Variants in CACNA2D3 observed in about 807,000 individuals in gnomAD.
CACNA2D3 encodes the protein calcium voltage-gated channel auxiliary subunit alpha2delta 3.
A neutral mutation model predicts 160.6 loss-of-function variants in CACNA2D3; 60 were observed. That is an observed-to-expected ratio of 0.37 (90% CI 0.30 to 0.46). The LOEUF is 0.46. Among genes scored for constraint, CACNA2D3 ranks in the 20% least tolerant of loss-of-function variants. The probability of loss-of-function intolerance (pLI) is 1.00; values close to 1 mark genes in which losing one functional copy is unlikely to be tolerated. For synonymous variants in CACNA2D3, 558 were observed against 492.9 expected (o/e 1.13, Z -1.75); for missense variants, 1,205 against 1,365.0 (o/e 0.88, Z 1.85).
At chr3:54,348,546 C>T (rs1162220496) in intron 3 of CACNA2D3, among the ~76,000 whole-genome samples, 1 of 152,114 alleles carries the variant, frequency 6.6e-6, no homozygotes, top group African/African-American at 2.4e-5. Context: ...AATGGAAATT[C>T]GAAGCACACT....
In CACNA2D3 at chr3:54,569,950, C is replaced by G. The variant is rs1702468071; in HGVS notation, c.738-4C>G. ...ATTTTGACTTAATTTTTCCCTTGAC[C>G]TAGGTACATCCAGGCAGCAACTTCT... On this transcript the variant is annotated splice_region_variant and splice_polypyrimidine_tract_variant and intron_variant, in intron 7 of 37. Coordinates refer to ENST00000474759, the MANE Select transcript of CACNA2D3 (RefSeq NM_018398.3). The G allele has an allele frequency of 1.2e-6, 2 of 1,613,884 alleles. No homozygotes were observed. Among genetic ancestry groups the G allele is most frequent in the East Asian group, 2.2e-5 (1 of 44,878 alleles).
At chr3:54,479,792 A>G (rs184991717) in intron 4 of CACNA2D3, among the ~76,000 whole-genome samples, 6 of 152,362 alleles carry the variant, frequency 3.9e-5, no homozygotes, top group East Asian at 3.9e-4. Context: ...GCAAATGATT[A>G]AATGATGTAT....
intron 15 of CACNA2D3, among the ~76,000 whole-genome samples, chr3:54,837,517 T>C (rs982388833): frequency 3.3e-5 from 5 of 152,106 alleles, no homozygotes; most frequent in African/African-American, 1.2e-4. Flanking sequence ...ACCACTCTCA[T>C]TTATAGTTAC....
intron 5 of CACNA2D3, among the ~76,000 whole-genome samples, chr3:54,522,716 C>A (rs1447970445): frequency 1.3e-5 from 2 of 152,082 alleles, no homozygotes; most frequent in Non-Finnish European, 2.9e-5. Flanking sequence ...GGGAGAAAGC[C>A]AAGCTTATTT....
At chr3:54,251,454 G>A (rs1702188240) in intron 2 of CACNA2D3, among the ~76,000 whole-genome samples, 1 of 152,138 alleles carries the variant, frequency 6.6e-6, no homozygotes, top group Non-Finnish European at 1.5e-5. Context: ...ATTTTGTTTT[G>A]AAGAAGATGA....
intron 4 of CACNA2D3, among the ~76,000 whole-genome samples, chr3:54,421,631 G>T (rs931647416): frequency 6.6e-6 from 1 of 152,062 alleles, no homozygotes; most frequent in African/African-American, 2.4e-5. Flanking sequence ...GTGGGGCAGC[G>T]GTTGTTGTCA....
intron 11 of CACNA2D3, among the ~76,000 whole-genome samples, chr3:54,655,577 T>C (rs920711720): frequency 2.0e-5 from 3 of 152,238 alleles, no homozygotes; most frequent in African/African-American, 4.8e-5. Flanking sequence ...GATTAAAGTA[T>C]TCTACTGCAT....
At chr3:54,734,069 T>C (rs765168748) in intron 11 of CACNA2D3, among the ~76,000 whole-genome samples, 1 of 151,642 alleles carries the variant, frequency 6.6e-6, no homozygotes, top group Non-Finnish European at 1.5e-5. Flanking sequence ...CTAAGGAAGA[T>C]ATCTCATTCA....
At chr3:54,992,234 A>G (rs1702758439) in intron 31 of CACNA2D3, among the ~76,000 whole-genome samples, 1 of 152,214 alleles carries the variant, frequency 6.6e-6, no homozygotes, top group Non-Finnish European at 1.5e-5. Context: ...AAAGCATGGT[A>G]GCAGTCTAGC....
At chr3:54,727,114 C>A (rs17502350) in intron 11 of CACNA2D3, among the ~76,000 whole-genome samples, 3 of 152,196 alleles carry the variant, frequency 2.0e-5, no homozygotes, top group Non-Finnish European at 2.9e-5. Flanking sequence ...ACAGACACTT[C>A]TCAAAAGAAG....
chr3:54,669,620 T>C (rs1362249123), intron 11 of CACNA2D3, among the ~76,000 whole-genome samples: 1 of 152,110 alleles, frequency 6.6e-6, no homozygotes, highest in Non-Finnish European at 1.5e-5. Context: ...TGTTTAGAGA[T>C]CAAAAATGTT....
At chr3:54,343,417 A>C (rs554571383) in intron 3 of CACNA2D3, among the ~76,000 whole-genome samples, 3 of 152,190 alleles carry the variant, frequency 2.0e-5, no homozygotes, top group Admixed American at 2.0e-4. Context: ...ACAGCCTCCC[A>C]AGTAGTTGGG....
At chr3:54,465,604 T>C (rs1054105641) in intron 4 of CACNA2D3, among the ~76,000 whole-genome samples, 3 of 152,204 alleles carry the variant, frequency 2.0e-5, no homozygotes, top group South Asian at 2.1e-4. Flanking sequence ...TGCTCACTTA[T>C]GACCACATCC....
chr3:55,034,636 G>GT (rs901529555), intron 35 of CACNA2D3, among the ~76,000 whole-genome samples: 8 of 150,624 alleles, frequency 5.3e-5, no homozygotes, highest in African/African-American at 1.2e-4. Context: ...ATGCTTTCTG[G>GT]TTTTTTTTCA....
intron 2 of CACNA2D3, among the ~76,000 whole-genome samples, chr3:54,256,405 T>C (rs1346547720): frequency 6.6e-6 from 1 of 152,170 alleles, no homozygotes; most frequent in Non-Finnish European, 1.5e-5. Flanking sequence ...CCTTCAGGCA[T>C]AAATGGGCTA....
chr3:54,515,730 C>T (rs1559502121), intron 5 of CACNA2D3, among the ~76,000 whole-genome samples: 1 of 152,098 alleles, frequency 6.6e-6, no homozygotes, highest in South Asian at 2.1e-4. Context: ...AGTCATCTGC[C>T]GATGGGTGTC....
At chr3:54,972,809 G>C (rs957310683) in intron 29 of CACNA2D3, among the ~76,000 whole-genome samples, 2 of 152,174 alleles carry the variant, frequency 1.3e-5, no homozygotes, top group African/African-American at 4.8e-5. Flanking sequence ...TGACTTTTAA[G>C]GAGCTCCATT....
At chr3:54,466,677 A>G (rs1700633113) in intron 4 of CACNA2D3, among the ~76,000 whole-genome samples, 1 of 152,250 alleles carries the variant, frequency 6.6e-6, no homozygotes, top group South Asian at 2.1e-4. Context: ...GAAGCTTAGT[A>G]TGACTGATAT....
intron 2 of CACNA2D3, among the ~76,000 whole-genome samples, chr3:54,298,944 TAAAAAAAA>T (rs59100168): frequency 5.0e-5 from 5 of 99,332 alleles, no homozygotes; most frequent in South Asian, 3.2e-4. Context: ...CTCTGTTTCT[TAAAAAAAA>T]AAAAAAAAAA....
Sources: gnomAD v4.1 joint callset for allele counts (sites outside exome capture counted in the v4.1 genomes callset) on GRCh38, gnomAD v4.1.1 for gene constraint, MANE v1.5 for transcripts, NCBI Gene and HGNC (gene_info 2026-07-23, HGNC 2026-07-21) for gene names.